Variants in PLPPR1 observed in about 807,000 individuals in gnomAD.
PLPPR1 encodes phospholipid phosphatase-related protein type 1.
A neutral mutation model predicts 33.1 loss-of-function variants in PLPPR1; 10 were observed. The ratio of observed to expected loss-of-function variants is 0.30; its 90% confidence interval spans 0.19 to 0.51. The LOEUF is 0.51. PLPPR1 is among the 20% of genes least tolerant of loss of function. PLPPR1 has a pLI of 0.97. For missense variants in PLPPR1, 304 were observed against 408.1 expected (o/e 0.74, Z 2.20); for synonymous variants, 151 against 151.0 (o/e 1.00, Z 0.00).
At chr9:101,207,331 T>C (rs1826608866) in intron 2 of PLPPR1, among the ~76,000 whole-genome samples, 1 of 152,162 alleles carries the variant, frequency 6.6e-6, no homozygotes, top group African/African-American at 2.4e-5. Flanking sequence ...ACCTGCAGTA[T>C]TATTATTGCC....
At chr9:101,308,251 C>A (rs908629928) in intron 4 of PLPPR1, among the ~76,000 whole-genome samples, 1 of 152,106 alleles carries the variant, frequency 6.6e-6, no homozygotes, top group South Asian at 2.1e-4. Flanking sequence ...AAGAGACAGG[C>A]AGGAGGCTCA....
chr9:101,237,009 GACAGGA>G (rs1342758013), intron 2 of PLPPR1, among the ~76,000 whole-genome samples: 2 of 151,740 alleles, frequency 1.3e-5, no homozygotes, highest in Admixed American at 1.3e-4. Flanking sequence ...GTGGGTAAAG[GACAGGA>G]ACAGGTATTT....
chr9:101,112,652 T>A (rs977037535), intron 1 of PLPPR1, among the ~76,000 whole-genome samples: 1 of 152,220 alleles, frequency 6.6e-6, no homozygotes, highest in African/African-American at 2.4e-5. Context: ...GCTTGACAGT[T>A]TCCGTATGGT....
At chr9:101,109,134 A>ATTTTTTT (rs67666339) in intron 1 of PLPPR1, among the ~76,000 whole-genome samples, 13 of 99,730 alleles carry the variant, frequency 1.3e-4, no homozygotes, top group African/African-American at 2.3e-4. Flanking sequence ...AATTTTTTGT[A>ATTTTTTT]TTTTTTTTTT....
intron 1 of PLPPR1, among the ~76,000 whole-genome samples, chr9:101,032,679 G>C (rs926831457): frequency 6.6e-6 from 1 of 152,144 alleles, no homozygotes; most frequent in African/African-American, 2.4e-5. Context: ...TCCTGCATTA[G>C]AATAGTAGAA....
chr9:101,075,129 T>G (rs77601398), intron 1 of PLPPR1, among the ~76,000 whole-genome samples: 5,927 of 152,254 alleles, frequency 0.039, 174 homozygotes, highest in East Asian at 0.082. Flanking sequence ...AAGAGAAGTA[T>G]ATCTTTTATA....
chr9:101,066,419 C>T (rs902652986), intron 1 of PLPPR1, among the ~76,000 whole-genome samples: 1 of 151,958 alleles, frequency 6.6e-6, no homozygotes, highest in African/African-American at 2.4e-5. Context: ...CCATGCACAT[C>T]CCCCTCTTAA....
chr9:101,117,528 C>T (rs1831130658), intron 1 of PLPPR1, among the ~76,000 whole-genome samples: 1 of 152,122 alleles, frequency 6.6e-6, no homozygotes, highest in South Asian at 2.1e-4. Context: ...TCATGAATAA[C>T]TCACTCCTTG....
chr9:101,051,744 T>G (rs1328580322), intron 1 of PLPPR1, among the ~76,000 whole-genome samples: 2 of 152,222 alleles, frequency 1.3e-5, no homozygotes, highest in African/African-American at 4.8e-5. Flanking sequence ...CTCTGCACCT[T>G]CTTCAAGGCA....
chr9:101,064,712 T>TA lies in PLPPR1; in HGVS notation c.-46+35616dup, dbSNP rs1406605418. Among the ~76,000 whole-genome samples, 4 of 152,110 alleles carry TA rather than the reference T, an allele frequency of 2.6e-5. No homozygotes were observed. The South Asian group carries it at 8.3e-4, about 32-fold the overall frequency. Reference sequence around the variant, plus strand: ...TGAATATCTGAGACTGAGTAATTTATAAAAAATGTATTTCTTACAGTTCTG... The same window carrying TA: ...TGAATATCTGAGACTGAGTAATTTATAAAAAAATGTATTTCTTACAGTTCTG... On this transcript the variant is annotated intron_variant, in intron 1 of 7. Transcript: ENST00000374874.
At chr9:101,296,712 C>T (rs1005612275) in intron 4 of PLPPR1, among the ~76,000 whole-genome samples, 6 of 151,898 alleles carry the variant, frequency 4.0e-5, no homozygotes, top group African/African-American at 9.7e-5. Flanking sequence ...AACCAAACAC[C>T]GTATATTTTC....
chr9:101,322,991 A>C (rs554059225), intron 7 of PLPPR1, among the ~76,000 whole-genome samples: 12 of 152,298 alleles, frequency 7.9e-5, no homozygotes, highest in East Asian at 7.7e-4. Flanking sequence ...CAAACCCCCC[A>C]AAAATTCTAT....
chr9:101,272,662 A>G (rs1175537567), intron 3 of PLPPR1, among the ~76,000 whole-genome samples: 1 of 152,222 alleles, frequency 6.6e-6, no homozygotes, highest in African/African-American at 2.4e-5. Flanking sequence ...ACAACCAGCA[A>G]TCAATAGACT....
rs34407063 is a variant in PLPPR1 at position 101,238,952 on chromosome 9, CTT to C, written c.64-30916_64-30915del. Among the ~76,000 whole-genome samples, 589 of 141,824 alleles carry C rather than the reference CTT, an allele frequency of 4.2e-3. 2 individuals carry two copies. The highest frequency in any genetic ancestry group is 7.4e-3 in the Non-Finnish European group (481 of 64,640). 93.0% of individuals were successfully genotyped at this position (141,824 alleles called of 152,430 possible). On this transcript the variant is annotated intron_variant, in intron 2 of 7. Coordinates refer to ENST00000374874, the MANE Select transcript of PLPPR1 (RefSeq NM_207299.2). ...TCTATTTTCCCCTTCTATGAGCTCA[CTT>C]TTTTTTTTTTTAGCTCCTACACATG...
At position 101,256,558 on chromosome 9, in the gene PLPPR1, C is replaced by T. The variant is rs116711968; in HGVS notation, c.64-13322C>T. Among the ~76,000 whole-genome samples the T allele has an allele frequency of 2.7e-3, 416 of 152,202 alleles. 2 individuals are homozygous for T. Among genetic ancestry groups the T allele is most frequent in the Middle Eastern group, 0.01 (3 of 292 alleles). On this transcript the variant is annotated intron_variant, in intron 2 of 7. Transcript: ENST00000374874. ...AACCCAGAGATCCAAAAGGGATCTC[C>T]GTAATCGCAGAAATTCCAGGGGTGG...
At chr9:101,083,074 A>C (rs2244106) in intron 1 of PLPPR1, among the ~76,000 whole-genome samples, 103,948 of 151,972 alleles carry the variant, frequency 0.68, 35,930 homozygotes, top group East Asian at 0.89. Flanking sequence ...TAGTTTAAGG[A>C]CTGTAAACGC....
intron 1 of PLPPR1, among the ~76,000 whole-genome samples, chr9:101,066,150 A>T (rs1830410581): frequency 6.6e-6 from 1 of 152,028 alleles, no homozygotes; most frequent in Non-Finnish European, 1.5e-5. Flanking sequence ...GTTTTGAGGA[A>T]TGCTGGTCAG....
chr9:101,157,193 G>GT (rs1290299387), intron 1 of PLPPR1, among the ~76,000 whole-genome samples: 6 of 152,188 alleles, frequency 3.9e-5, no homozygotes, highest in Non-Finnish European at 8.8e-5. Flanking sequence ...ATTTTTCTAT[G>GT]TTAATGAAGA....
intron 1 of PLPPR1, among the ~76,000 whole-genome samples, chr9:101,061,264 CAG>C (rs939550341): frequency 6.6e-6 from 1 of 151,794 alleles, no homozygotes; most frequent in African/African-American, 2.4e-5. Context: ...TCTGTGAAAA[CAG>C]AGGCAAATTT....
Sources: gnomAD v4.1 joint callset for allele counts (sites outside exome capture counted in the v4.1 genomes callset) on GRCh38, gnomAD v4.1.1 for gene constraint, MANE v1.5 for transcripts, NCBI Gene and HGNC (gene_info 2026-07-23, HGNC 2026-07-21) for gene names.